Variants in PIK3C2A observed in about 807,000 individuals in gnomAD.
The protein encoded by PIK3C2A is phosphatidylinositol-4-phosphate 3-kinase catalytic subunit type 2 alpha.
In PIK3C2A, 97 loss-of-function variants were observed where a neutral mutation model predicts 204.5. The observed-to-expected ratio is 0.47, with a 90% CI of 0.40 to 0.56. PIK3C2A has a LOEUF of 0.56. Ranked by LOEUF, PIK3C2A falls within the 20% of genes least tolerant of loss-of-function variation. The pLI, the probability that PIK3C2A is intolerant of heterozygous loss-of-function variation, is 0.00. For missense variants in PIK3C2A, 1,735 were observed against 1,969.2 expected (o/e 0.88, Z 2.25); for synonymous variants, 653 against 664.4 (o/e 0.98, Z 0.26).
At chr11:17,093,391 CAAGTAGCTGGGACT>C (rs933420002) in intron 28 of PIK3C2A, among the ~76,000 whole-genome samples, 10 of 152,128 alleles carry the variant, frequency 6.6e-5, no homozygotes, top group Non-Finnish European at 1.0e-4. Context: ...CTCAGCCTCC[CAAGTAGCTGGGACT>C]ACAGGCGCCT....
chr11:17,102,024 G>A (rs61879698), intron 24 of PIK3C2A, among the ~76,000 whole-genome samples: 13,511 of 152,178 alleles, frequency 0.089, 787 homozygotes, highest in Middle Eastern at 0.22. Flanking sequence ...CATACCCAAA[G>A]AGATCAAACA....
At chr11:17,092,125 T>G in intron 29 of PIK3C2A, 34 bp downstream of exon 29, 1 of 1,475,352 alleles carries the variant, frequency 6.8e-7, no homozygotes, top group South Asian at 1.1e-5. Context: ...ACAAAAGGTA[T>G]AAGATGTTAT....
intron 1 of PIK3C2A, among the ~76,000 whole-genome samples, chr11:17,178,572 C>CT (rs1370528834): frequency 4.6e-5 from 7 of 151,770 alleles, no homozygotes; most frequent in African/African-American, 1.7e-4. Flanking sequence ...TTATTATCTA[C>CT]TTTTTTTTGA....
At chr11:17,150,449 T>C in intron 4 of PIK3C2A, 49 bp downstream of exon 4, 1 of 1,451,974 alleles carries the variant, frequency 6.9e-7, no homozygotes, top group Non-Finnish European at 9.2e-7. Flanking sequence ...ATTTTAAACA[T>C]TTCCCCCTAA....
chr11:17,104,695 A>G (rs1163351608), intron 23 of PIK3C2A, among the ~76,000 whole-genome samples: 1 of 144,538 alleles, frequency 6.9e-6, no homozygotes, highest in Non-Finnish European at 1.5e-5. Context: ...ACTGCACTCC[A>G]GCCTGGGTGA....
chr11:17,186,323 T>C (rs1297016698), intron 1 of PIK3C2A, among the ~76,000 whole-genome samples: 1 of 152,098 alleles, frequency 6.6e-6, no homozygotes, highest in Non-Finnish European at 1.5e-5. Context: ...TAGTATACTA[T>C]ATATTTACTT....
chr11:17,170,846 G>A (rs1300978451), intron 1 of PIK3C2A, among the ~76,000 whole-genome samples: 2 of 152,124 alleles, frequency 1.3e-5, no homozygotes, highest in Non-Finnish European at 2.9e-5. Context: ...GCTCACACCT[G>A]TAATCTCAGC....
chr11:17,193,554 A>G (rs2137557601), intron 1 of PIK3C2A: 1 of 426,924 alleles, frequency 2.3e-6, no homozygotes, highest in Non-Finnish European at 4.7e-6. Flanking sequence ...TGGTATTAAG[A>G]AACTGCGATC....
At chr11:17,120,692 T>C (rs920928178) in intron 15 of PIK3C2A, among the ~76,000 whole-genome samples, 4 of 152,200 alleles carry the variant, frequency 2.6e-5, no homozygotes, top group Non-Finnish European at 4.4e-5. Context: ...CGGATATATG[T>C]AGATCCTCTT....
intron 1 of PIK3C2A, among the ~76,000 whole-genome samples, chr11:17,196,023 A>G (rs1225181113): frequency 6.6e-6 from 1 of 152,160 alleles, no homozygotes; most frequent in Non-Finnish European, 1.5e-5. Flanking sequence ...TGGGCAACAG[A>G]GCGAGACTTC....
chr11:17,138,619 C>A (rs1360524715), intron 8 of PIK3C2A, among the ~76,000 whole-genome samples: 1 of 152,100 alleles, frequency 6.6e-6, no homozygotes. Flanking sequence ...TCGCTGGACC[C>A]CTTAGAGTAG....
At chr11:17,122,963 A>G (rs1032119589) in intron 13 of PIK3C2A, 150 bp from the exon 14 acceptor site, 48 of 547,800 alleles carry the variant, frequency 8.8e-5, no homozygotes, top group Admixed American at 3.3e-4. Flanking sequence ...CACTCTCCAC[A>G]TTGTACTGAA....
chr11:17,126,936 G>A (rs1304958847), intron 13 of PIK3C2A, among the ~76,000 whole-genome samples: 1 of 152,112 alleles, frequency 6.6e-6, no homozygotes, highest in Admixed American at 6.5e-5. Context: ...AAGACTCCTG[G>A]TGCTTTCAAG....
intron 19 of PIK3C2A, among the ~76,000 whole-genome samples, chr11:17,116,446 A>C (rs1452057864): frequency 6.6e-6 from 1 of 152,206 alleles, no homozygotes; most frequent in Non-Finnish European, 1.5e-5. Flanking sequence ...GCTGGTGGGA[A>C]TGTAAAGTGA....
At chr11:17,148,503 C>T (rs1351633863) in intron 5 of PIK3C2A, 164 bp downstream of exon 5, 4 of 616,418 alleles carry the variant, frequency 6.5e-6, no homozygotes, top group Admixed American at 5.9e-5. Context: ...TTAGACATGA[C>T]ATCTTAGACA....
intron 1 of PIK3C2A, among the ~76,000 whole-genome samples, chr11:17,200,093 C>T (rs756262092): frequency 1.1e-4 from 16 of 150,524 alleles, no homozygotes; most frequent in Admixed American, 3.3e-4. Flanking sequence ...GGATGAGGCA[C>T]GAGAATCGCT....
At chr11:17,197,632 C>T (rs656623) in intron 1 of PIK3C2A, among the ~76,000 whole-genome samples, 86,868 of 151,952 alleles carry the variant, frequency 0.57, 25,144 homozygotes, top group East Asian at 0.82. Flanking sequence ...CAAGAGATCC[C>T]TATTGAAAGA....
chr11:17,151,021 G>A (rs934629597), intron 3 of PIK3C2A, among the ~76,000 whole-genome samples: 12 of 152,180 alleles, frequency 7.9e-5, no homozygotes. Flanking sequence ...TATAGGCAAT[G>A]TAGTCCTAAA....
chr11:17,192,009 G>C (rs185121853), intron 1 of PIK3C2A, among the ~76,000 whole-genome samples: 1 of 151,970 alleles, frequency 6.6e-6, no homozygotes, highest in African/African-American at 2.4e-5. Flanking sequence ...AGCCAGCGTG[G>C]TGGTGCATGA....
Sources: allele counts gnomAD v4.1 joint callset (sites outside exome capture counted in the v4.1 genomes callset), GRCh38; gene constraint gnomAD v4.1.1; transcripts MANE v1.5; gene names NCBI Gene and HGNC (gene_info 2026-07-23, HGNC 2026-07-21).